Variants in LPA observed in about 807,000 individuals in gnomAD.
LPA encodes apolipoprotein(a).
LPA carries 199 observed loss-of-function variants against 197.9 expected under a neutral mutation model. The ratio of observed to expected loss-of-function variants is 1.01; its 90% CI spans 0.90 to 1.13. The LOEUF is 1.13. LPA is among the 50% of genes most tolerant of loss of function. The probability of loss-of-function intolerance (pLI) is 0.00; values close to 1 mark genes in which losing one functional copy is unlikely to be tolerated. For missense variants in LPA, 1,853 were observed against 1,785.8 expected (o/e 1.04, Z -0.68); for synonymous variants, 715 against 639.5 (o/e 1.12, Z -1.78).
intron 22 of LPA, 89 bp from the exon 23 acceptor site, chr6:160,591,190 G>A (rs1197528809): frequency 6.6e-6 from 10 of 1,525,326 alleles, no homozygotes; most frequent in South Asian, 3.5e-5. Context: ...TAACAAAGTG[G>A]TAAAAAGTGA....
intron 24 of LPA, among the ~76,000 whole-genome samples, chr6:160,587,359 A>G (rs1475047799): frequency 6.6e-6 from 1 of 152,012 alleles, no homozygotes; most frequent in Admixed American, 6.6e-5. Context: ...GGTTTGGACT[A>G]TTTCCTTCCA....
At chr6:160,597,869 G>C (rs1236006820) in intron 20 of LPA, among the ~76,000 whole-genome samples, 2 of 152,148 alleles carry the variant, frequency 1.3e-5, no homozygotes, top group African/African-American at 4.8e-5. Flanking sequence ...TCACACTGTG[G>C]ATATTGCATA....
intron 1 of LPA, among the ~76,000 whole-genome samples, chr6:160,652,111 G>A (rs1351966799): frequency 4.1e-5 from 6 of 146,282 alleles, no homozygotes; most frequent in African/African-American, 1.5e-4. Context: ...AGAATACAGA[G>A]AGAGAGAAGT....
In LPA at chr6:160,593,995, G is replaced by T; in HGVS notation, c.3592C>A (p.His1198Asn). The change falls in exon 22 of 39, where the codon CAC becomes AAC. Residue 1198 changes from histidine (H) to asparagine (N), a missense_variant. By Grantham distance (68) the His-to-Asn change is moderately conservative (BLOSUM62 1). Transcript: ENST00000316300. ...TCQSWSSMTPHWHQRTTEYYP... is the reference protein window; with the variant it reads ...TCQSWSSMTPNWHQRTTEYYP... Reference sequence around the variant, plus strand: ...TATTCTGTTGTCCTCTGATGCCAGTGTGGTGTCATAGAGGACCAAGACTGA... The same window carrying T: ...TATTCTGTTGTCCTCTGATGCCAGTTTGGTGTCATAGAGGACCAAGACTGA... 6.2e-7 allele frequency: 1 copy of T among 1,613,976 alleles called. No homozygotes were observed. Among genetic ancestry groups the T allele is most frequent in the Non-Finnish European group, 8.5e-7 (1 of 1,179,870 alleles).
chr6:160,532,691 G>A, intron 37 of LPA, 42 bp from the exon 38 acceptor site: 4 of 1,315,486 alleles, frequency 3.0e-6, no homozygotes, highest in African/African-American at 1.4e-5. Context: ...TGAGGCCAAA[G>A]CTTGTTCACG....
Position 160,611,298 on chromosome 6 carries a change from G to T in LPA, c.2603+264C>A, listed in dbSNP as rs117377249. On this transcript the variant is annotated intron_variant, in intron 16 of 38. Transcript: ENST00000316300. ...GCAAGGGTAATCTAAGTGTTTGGTG[G>T]TTCGTCATTCTGACTTTCTTCATAA... 1.3e-3 allele frequency among the ~76,000 whole-genome samples: 193 copies of T among 152,140 alleles called. 4 individuals are homozygous for T. In the East Asian group the frequency reaches 0.023, roughly 18 times the overall value.
chr6:160,562,076 T>C (rs1196555086), intron 28 of LPA, among the ~76,000 whole-genome samples: 1 of 152,200 alleles, frequency 6.6e-6, no homozygotes, highest in Admixed American at 6.5e-5. Flanking sequence ...TCTTGCCTGA[T>C]TGCCCTGGAC....
chr6:160,608,819 T>TTGTG (rs10526739), intron 16 of LPA, among the ~76,000 whole-genome samples: 26,660 of 149,358 alleles, frequency 0.18, 2,907 homozygotes, highest in East Asian at 0.4. Flanking sequence ...TTCTTGAGGG[T>TTGTG]TGTGTGTGTG....
rs773306459 is a variant in LPA at position 160,606,459 on chromosome 6, T to C, written c.2785+18A>G. 5 of 1,613,064 alleles carry C rather than the reference T, an allele frequency of 3.1e-6. No homozygotes were observed. The highest frequency in any genetic ancestry group is 2.7e-5 in the African/African-American group (2 of 74,880). On this transcript the variant is annotated intron_variant, in intron 17 of 38. Transcript: ENST00000316300. The stretch of plus-strand genomic sequence containing the variant: ...CCCAGCATCGAAACGTGTAGGTTTC[T>C]GGCCACAGGCTCCTTACCTTGTTCA...
At chr6:160,573,713 G>A (rs1778603720) in intron 28 of LPA, among the ~76,000 whole-genome samples, 1 of 152,170 alleles carries the variant, frequency 6.6e-6, no homozygotes, top group African/African-American at 2.4e-5. Flanking sequence ...TTGCCACCTA[G>A]CAAGTCTACC....
rs564925456 is a variant in LPA at position 160,557,540 on chromosome 6, C to G, written c.4663G>C (p.Asp1555His). 5 of 1,614,146 alleles carry G rather than the reference C, an allele frequency of 3.1e-6. No homozygotes were observed. Among genetic ancestry groups the G allele is most frequent in the Admixed American group, 1.7e-5 (1 of 60,026 alleles). ...TAACACCAGGGTTGTTTCCCAGAAT[C>G]TGGATTCCTGCAGTAGTTCTCGGTC... The part of the protein sequence containing the change: ...GLTENYCRNP[D>H]SGKQPWCYTT... The change falls in exon 29 of 39, where the codon GAT becomes CAT. Residue 1555 changes from aspartate to histidine, a missense_variant. Physicochemically the swap from Asp to His is moderately conservative, Grantham distance 81. Around this residue, in one of 3 missense-constraint regions of LPA, gnomAD observed 1,737 missense variants for 1,504.4 expected, o/e 1.15. Coordinates refer to ENST00000316300, the MANE Select transcript of LPA (RefSeq NM_005577.4).
In LPA at chr6:160,574,515, A is replaced by G. The variant is rs373807768; in HGVS notation, c.4631+2621T>C. On this transcript the variant is annotated intron_variant, in intron 28 of 38. Coordinates refer to ENST00000316300, the MANE Select transcript of LPA (RefSeq NM_005577.4). ...GTTCCTTTGGCCACACTTCTGATGG[A>G]TCTCTGTGGTGCCAGGCAGGAATGA... Among the ~76,000 whole-genome samples, 13 of 152,000 alleles carry G rather than the reference A, an allele frequency of 8.6e-5. 1 individual carries two copies. The highest frequency in any genetic ancestry group is 2.9e-4 in the African/African-American group (12 of 41,456).
At chr6:160,657,979 C>T (rs1408374928) in intron 1 of LPA, among the ~76,000 whole-genome samples, 1 of 152,146 alleles carries the variant, frequency 6.6e-6, no homozygotes, top group Non-Finnish European at 1.5e-5. Context: ...GGTCTAGAAG[C>T]ATTCAGGGGC....
chr6:160,656,178 T>C (rs1229927801), intron 1 of LPA, among the ~76,000 whole-genome samples: 1 of 152,216 alleles, frequency 6.6e-6, no homozygotes, highest in East Asian at 1.9e-4. Flanking sequence ...TGAACAGGGA[T>C]GTGGTGGGAA....
intron 28 of LPA, among the ~76,000 whole-genome samples, chr6:160,557,836 A>G (rs994651270): frequency 1.3e-5 from 2 of 152,238 alleles, no homozygotes; most frequent in African/African-American, 4.8e-5. Flanking sequence ...ATAAATGTAT[A>G]CAAGAAAAAT....
intron 28 of LPA, among the ~76,000 whole-genome samples, chr6:160,566,892 A>C (rs1295809868): frequency 2.0e-5 from 3 of 152,368 alleles, no homozygotes; most frequent in Admixed American, 1.3e-4. Flanking sequence ...CAAAAGAGAC[A>C]AAGAAGGCCA....
chr6:160,558,564 C>T (rs1778308441), intron 28 of LPA, among the ~76,000 whole-genome samples: 1 of 152,172 alleles, frequency 6.6e-6, no homozygotes, highest in Non-Finnish European at 1.5e-5. Context: ...TGGGCAGGAC[C>T]ACCTCTCCTG....
At chr6:160,631,662 T>A (rs1248024855) in intron 8 of LPA, among the ~76,000 whole-genome samples, 1,427 of 144,782 alleles carry the variant, frequency 9.9e-3, no homozygotes, top group African/African-American at 0.034. Context: ...CTTCGAACTG[T>A]GATGTACAAA....
chr6:160,550,939 T>C (rs73012297), intron 30 of LPA, among the ~76,000 whole-genome samples: 26,129 of 152,242 alleles, frequency 0.17, 2,390 homozygotes, highest in Admixed American at 0.19. Context: ...CATTTTCTTA[T>C]TGATTGACAT....
Sources: allele counts gnomAD v4.1 joint callset (sites outside exome capture counted in the v4.1 genomes callset), GRCh38; gene constraint gnomAD v4.1.1; regional missense constraint gnomAD v4.1.1; transcripts MANE v1.5; gene names NCBI Gene and HGNC (gene_info 2026-07-23, HGNC 2026-07-21).